Variants in THADA observed in about 807,000 individuals in gnomAD.
The protein encoded by THADA is tRNA (32-2'-O)-methyltransferase regulator THADA.
Under a neutral mutation model 219.8 loss-of-function variants are expected in THADA, and 213 were observed. The observed-to-expected ratio is 0.97, with a 90% CI of 0.87 to 1.09. The LOEUF (loss-of-function observed/expected upper bound fraction) is 1.09. Ranked by LOEUF, THADA falls within the 50% of genes least tolerant of loss-of-function variation. The probability of loss-of-function intolerance (pLI) is 0.00; values close to 1 mark genes in which losing one functional copy is unlikely to be tolerated. For missense variants in THADA, 2,956 were observed against 2,311.3 expected, an observed-to-expected ratio of 1.28 and a Z score of -5.72; for synonymous variants, 1,018 against 828.9, an observed-to-expected ratio of 1.23 and a Z score of -3.92.
rs70963399 is a variant in THADA, at chr2:43,467,181, C to CAAAAAA, written c.3836+18047_3836+18052dup. Reference sequence around the variant, plus strand: ...TGGGCGACAGAGCGAGACTCCGTCTCAAAAAAAAAAAAAAAAAAAAAAAAA... The same window carrying CAAAAAA: ...TGGGCGACAGAGCGAGACTCCGTCTCAAAAAAAAAAAAAAAAAAAAAAAAAAAAAAA... On this transcript the variant is annotated intron_variant, in intron 26 of 37. Transcript: ENST00000405975. 2.5e-3 allele frequency among the ~76,000 whole-genome samples: 147 copies of CAAAAAA among 58,392 alleles called. 3 individuals are homozygous for CAAAAAA. Among genetic ancestry groups the CAAAAAA allele is most frequent in the Non-Finnish European group, 3.9e-3 (119 of 30,754 alleles). The allele number at this position is 58,392 out of a possible 152,430, so 38.3% of individuals were successfully genotyped here. A position where few individuals can be genotyped will look rare whatever the true frequency, so the allele number is the denominator to read the frequency against.
intron 36 of THADA, among the ~76,000 whole-genome samples, chr2:43,273,911 ATGT>A (rs1056018159): frequency 2.0e-5 from 3 of 151,948 alleles, no homozygotes; most frequent in Non-Finnish European, 4.4e-5. Context: ...ATGTGTGCAG[ATGT>A]TGTTTTTTTC....
intron 30 of THADA, chr2:43,333,238 C>A (rs1163295580): frequency 2.0e-5 from 3 of 152,162 alleles, no homozygotes; most frequent in African/African-American, 7.2e-5. Flanking sequence ...CCGGAGATAT[C>A]ATGACCTTAG....
At chr2:43,268,314 G>C (rs900576232) in intron 36 of THADA, among the ~76,000 whole-genome samples, 2 of 151,990 alleles carry the variant, frequency 1.3e-5, no homozygotes, top group African/African-American at 4.8e-5. Flanking sequence ...ATCCAAACTG[G>C]GGCTGTGTAC....
At chr2:43,323,539 C>G (rs1678993207) in intron 30 of THADA, among the ~76,000 whole-genome samples, 1 of 152,198 alleles carries the variant, frequency 6.6e-6, no homozygotes. Context: ...CCTGCTAAAG[C>G]AAGAGCCATT....
intron 29 of THADA, among the ~76,000 whole-genome samples, chr2:43,368,322 A>G (rs1368907760): frequency 6.6e-6 from 1 of 152,150 alleles, no homozygotes; most frequent in Non-Finnish European, 1.5e-5. Context: ...TACTTGCCAT[A>G]CAAATCTAGT....
chr2:43,253,625 G>A (rs569400910), intron 36 of THADA, among the ~76,000 whole-genome samples: 3 of 152,006 alleles, frequency 2.0e-5, no homozygotes, highest in African/African-American at 7.2e-5. Flanking sequence ...CCCTTTGCTA[G>A]CTCCCCTTCC....
chr2:43,479,275 T>C (rs1685898481), intron 26 of THADA, among the ~76,000 whole-genome samples: 2 of 152,224 alleles, frequency 1.3e-5, no homozygotes, highest in African/African-American at 2.4e-5. Context: ...AATGTTTTAG[T>C]TGAGCTTATT....
At chr2:43,525,566 G>C (rs1453229862) in intron 22 of THADA, among the ~76,000 whole-genome samples, 1 of 152,164 alleles carries the variant, frequency 6.6e-6, no homozygotes, top group Non-Finnish European at 1.5e-5. Flanking sequence ...GCTACATGTA[G>C]TCCCAACTAG....
Position 43,310,869 on chromosome 2 carries a change from C to T in THADA, c.4438+9577G>A, listed in dbSNP as rs758531078. Among the ~76,000 whole-genome samples the T allele has an allele frequency of 6.1e-4, 93 of 152,274 alleles. 1 individual carries two copies. In the Middle Eastern group the frequency reaches 0.014, roughly 22 times the overall value. ...TTGGACATAAAAAGAACCCTTACAA[C>T]TTGAGAATAAAAAGAGAAATAACTC... On this transcript the variant is annotated intron_variant, in intron 31 of 37. Coordinates refer to ENST00000405975, the MANE Select transcript of THADA (RefSeq NM_022065.5).
chr2:43,308,758 C>CAAAAAA lies in THADA; in HGVS notation c.4438+11682_4438+11687dup, dbSNP rs57697839. Among the ~76,000 whole-genome samples, 39 of 50,850 alleles carry CAAAAAA rather than the reference C, an allele frequency of 7.7e-4. 7 individuals carry two copies. Among genetic ancestry groups the CAAAAAA allele is most frequent in the Admixed American group, 2.5e-3 (8 of 3,154 alleles). The allele number at this position is 50,850 out of a possible 152,430, so 33.4% of individuals were successfully genotyped here. A position where few individuals can be genotyped will look rare whatever the true frequency, so the allele number is the denominator to read the frequency against. On this transcript the variant is annotated intron_variant, in intron 31 of 37. Coordinates refer to ENST00000405975, the MANE Select transcript of THADA (RefSeq NM_022065.5). Reference sequence around the variant, plus strand: ...GTGCTGAAACATTGGATACCCATACCAAAAAAAAAAAAAAAAAAAAAAAAA... The same window carrying CAAAAAA: ...GTGCTGAAACATTGGATACCCATACCAAAAAAAAAAAAAAAAAAAAAAAAAAAAAAA...
At chr2:43,413,680 A>T (rs1676588415) in intron 28 of THADA, among the ~76,000 whole-genome samples, 1 of 152,204 alleles carries the variant, frequency 6.6e-6, no homozygotes, top group African/African-American at 2.4e-5. Flanking sequence ...AATCATTTTC[A>T]AGACAGAAAG....
At chr2:43,519,837 T>A (rs1188891333) in intron 22 of THADA, among the ~76,000 whole-genome samples, 1 of 152,204 alleles carries the variant, frequency 6.6e-6, no homozygotes, top group Non-Finnish European at 1.5e-5. Context: ...GCTGGAACCC[T>A]AAGTCTTCTC....
chr2:43,278,789 C>G (rs906149402), intron 36 of THADA, among the ~76,000 whole-genome samples: 1 of 152,178 alleles, frequency 6.6e-6, no homozygotes, highest in Non-Finnish European at 1.5e-5. Context: ...TGTGTCCTGC[C>G]TTGGCAAGCA....
chr2:43,480,911 A>C (rs1324296369), intron 26 of THADA, among the ~76,000 whole-genome samples: 1 of 152,178 alleles, frequency 6.6e-6, no homozygotes, highest in Non-Finnish European at 1.5e-5. Flanking sequence ...GGCTTGCTAC[A>C]AGTTACTATG....
intron 22 of THADA, among the ~76,000 whole-genome samples, chr2:43,523,407 T>C (rs1692748037): frequency 6.6e-6 from 1 of 152,134 alleles, no homozygotes; most frequent in South Asian, 2.1e-4. Flanking sequence ...CACAAGATTG[T>C]ATATTCTTTC....
At chr2:43,260,068 A>G (rs543906801) in intron 36 of THADA, among the ~76,000 whole-genome samples, 9 of 152,050 alleles carry the variant, frequency 5.9e-5, no homozygotes, top group African/African-American at 2.2e-4. Context: ...ACTGCAGCCT[A>G]TGCCTCCCGG....
rs1701038096 is a variant in THADA, at chr2:43,586,465, T to A, written c.485-16A>T. On this transcript the variant is annotated splice_polypyrimidine_tract_variant and intron_variant, in intron 6 of 37. Transcript: ENST00000405975. ...AAATGAAGCACTGAAACAAAAAGAA[T>A]ATGACAAATAAGAATTTAAAACTGT... 6.5e-7 allele frequency: 1 copy of A among 1,546,748 alleles called. No homozygotes were observed. Among genetic ancestry groups the A allele is most frequent in the Non-Finnish European group, 8.7e-7 (1 of 1,147,890 alleles).
intron 26 of THADA, among the ~76,000 whole-genome samples, chr2:43,450,357 A>AG (rs1289947928): frequency 6.6e-6 from 1 of 152,176 alleles, no homozygotes; most frequent in Non-Finnish European, 1.5e-5. Context: ...GGTAACTGAA[A>AG]GGGGGTAGAG....
chr2:43,362,912 A>T (rs1475704367), intron 29 of THADA, among the ~76,000 whole-genome samples: 1 of 152,114 alleles, frequency 6.6e-6, no homozygotes, highest in Admixed American at 6.6e-5. Flanking sequence ...TTTTTGCTAA[A>T]AACTAAGACA....
Sources: allele counts gnomAD v4.1 joint callset (sites outside exome capture counted in the v4.1 genomes callset), GRCh38; gene constraint gnomAD v4.1.1; transcripts MANE v1.5; gene names NCBI Gene and HGNC (gene_info 2026-07-23, HGNC 2026-07-21).